The following NME8 variants were observed in gnomAD, a reference collection of about 807,000 sequenced individuals.
NME8 encodes protein NME8.
Under a neutral mutation model 82.3 loss-of-function variants are expected in NME8, and 72 were observed. That is an observed-to-expected ratio of 0.87 (90% CI 0.72 to 1.06). The LOEUF (loss-of-function observed/expected upper bound fraction) is 1.06, where lower values mean the gene tolerates loss of function less well. Ranked by LOEUF, NME8 falls within the 50% of genes least tolerant of loss-of-function variation. The pLI is 0.00. For synonymous variants in NME8, 267 were observed against 228.5 expected, an observed-to-expected ratio of 1.17 and a Z score of -1.52; for missense variants, 712 against 685.4, an observed-to-expected ratio of 1.04 and a Z score of -0.43.
At chr7:37,881,280 T>C (rs1382991608) in intron 12 of NME8, among the ~76,000 whole-genome samples, 1 of 152,176 alleles carries the variant, frequency 6.6e-6, no homozygotes, top group Non-Finnish European at 1.5e-5. Context: ...TTAAGGACAG[T>C]GTTAACTGTA....
At chr7:37,889,977 G>C (rs373391341) in intron 15 of NME8, among the ~76,000 whole-genome samples, 1 of 151,968 alleles carries the variant, frequency 6.6e-6, no homozygotes, top group Non-Finnish European at 1.5e-5. Context: ...TGGTGGCCAT[G>C]TTATTTGGTA....
In NME8 at chr7:37,848,716, C is replaced by T. The variant is rs979982759; in HGVS notation, c.-253C>T. 6.6e-6 allele frequency: 1 copy of T among 152,326 alleles called. No homozygotes were observed. The highest frequency in any genetic ancestry group is 2.4e-5 in the African/African-American group (1 of 41,452). The allele number at this position is 152,326 out of a possible 1,614,324, so 9.4% of individuals were successfully genotyped here. A position where few individuals can be genotyped will look rare whatever the true frequency, so the allele number is the denominator to read the frequency against. On this transcript the variant is annotated 5_prime_UTR_variant, in exon 1 of 18. Transcript: ENST00000199447. Reference sequence around the variant, plus strand: ...GATTTTAGGCGCCACCTGGTCTTGTCCCCACTGCCCAGGTATAGCTGCTGT... The same window carrying T: ...GATTTTAGGCGCCACCTGGTCTTGTTCCCACTGCCCAGGTATAGCTGCTGT...
At chr7:37,889,988 C>T (rs1785104098) in intron 15 of NME8, among the ~76,000 whole-genome samples, 1 of 151,896 alleles carries the variant, frequency 6.6e-6, no homozygotes, top group Non-Finnish European at 1.5e-5. Context: ...TTATTTGGTA[C>T]ATAGATATTT....
chr7:37,889,099 T>A (rs1316720876), intron 15 of NME8, among the ~76,000 whole-genome samples: 3 of 152,040 alleles, frequency 2.0e-5, no homozygotes, highest in African/African-American at 7.2e-5. Flanking sequence ...ATTTGATTGC[T>A]TTCTCTGTTT....
chr7:37,874,741 G>A (rs551768367), intron 11 of NME8, among the ~76,000 whole-genome samples: 1 of 152,156 alleles, frequency 6.6e-6, no homozygotes. Flanking sequence ...ACATTACTAG[G>A]TAAAGGTTAA....
chr7:37,862,469 G>A (rs1379513564), intron 7 of NME8, among the ~76,000 whole-genome samples: 1 of 151,968 alleles, frequency 6.6e-6, no homozygotes, highest in Non-Finnish European at 1.5e-5. Context: ...TGAAAGTTAG[G>A]AACCTTTGTC....
intron 14 of NME8, among the ~76,000 whole-genome samples, chr7:37,885,547 A>G (rs757852665): frequency 2.0e-5 from 3 of 152,186 alleles, no homozygotes; most frequent in Non-Finnish European, 4.4e-5. Context: ...CCTACCCGCT[A>G]TTTAGGAGAA....
chr7:37,893,528 G>A (rs1374389155), intron 15 of NME8, among the ~76,000 whole-genome samples: 3 of 151,990 alleles, frequency 2.0e-5, no homozygotes, highest in African/African-American at 4.8e-5. Context: ...TCTGCACTTG[G>A]CATACATTAC....
chr7:37,870,144 G>C (rs1041488683), intron 11 of NME8, among the ~76,000 whole-genome samples: 6 of 151,836 alleles, frequency 4.0e-5, no homozygotes, highest in African/African-American at 7.3e-5. Flanking sequence ...GTCTATAACA[G>C]GGGTGTCCAA....
At chr7:37,879,413 T>C (rs1481885240) in intron 12 of NME8, among the ~76,000 whole-genome samples, 1 of 152,210 alleles carries the variant, frequency 6.6e-6, no homozygotes, top group Non-Finnish European at 1.5e-5. Flanking sequence ...CCCAAAGTGC[T>C]GGATTTACAG....
At chr7:37,871,883 G>A (rs183346878) in intron 11 of NME8, among the ~76,000 whole-genome samples, 8 of 151,698 alleles carry the variant, frequency 5.3e-5, no homozygotes, top group Admixed American at 2.6e-4. Context: ...AAGTATTTCC[G>A]GGATCAGGGA....
chr7:37,863,148 T>A (rs1419101253), intron 7 of NME8, among the ~76,000 whole-genome samples: 2 of 152,040 alleles, frequency 1.3e-5, no homozygotes, highest in Non-Finnish European at 2.9e-5. Flanking sequence ...ATTTAAAAAA[T>A]TAAGGTTTGC....
At chr7:37,876,528 T>A (rs982240579) in intron 11 of NME8, among the ~76,000 whole-genome samples, 1 of 152,084 alleles carries the variant, frequency 6.6e-6, no homozygotes, top group South Asian at 2.1e-4. Context: ...TGGAAAGTTC[T>A]ACATAGGGAA....
intron 7 of NME8, 94 bp downstream of exon 7, chr7:37,862,238 G>A: frequency 1.2e-6 from 1 of 815,408 alleles, no homozygotes; most frequent in Non-Finnish European, 2.2e-6. Context: ...ACCTCTAAAG[G>A]CTTTGAGTAC....
chr7:37,882,581 A>AAGAAAGAC (rs1784968192), intron 12 of NME8, among the ~76,000 whole-genome samples: 1 of 51,730 alleles, frequency 1.9e-5, no homozygotes, highest in Non-Finnish European at 3.9e-5. Flanking sequence ...GAAAGAAAGA[A>AAGAAAGAC]AGAAAGAAAG....
intron 17 of NME8, 135 bp from the exon 18 acceptor site, chr7:37,900,109 A>G (rs1259079243): frequency 6.6e-6 from 1 of 152,186 alleles, no homozygotes; most frequent in Non-Finnish European, 1.5e-5. Context: ...CAGGCTGTCT[A>G]TAGGTAAAGG....
chr7:37,896,473 C>T (rs1385543167), intron 16 of NME8, among the ~76,000 whole-genome samples: 1 of 152,176 alleles, frequency 6.6e-6, no homozygotes, highest in Non-Finnish European at 1.5e-5. Context: ...GCTCACATCA[C>T]TCAGTTACTT....
At chr7:37,858,438 G>A (rs1299026072) in intron 6 of NME8, among the ~76,000 whole-genome samples, 2 of 152,152 alleles carry the variant, frequency 1.3e-5, no homozygotes, top group Non-Finnish European at 2.9e-5. Flanking sequence ...AACGATTTAG[G>A]TGAGGGGTCA....
At chr7:37,882,591 GAA>G (rs1372562444) in intron 12 of NME8, among the ~76,000 whole-genome samples, 1,715 of 75,622 alleles carry the variant, frequency 0.023, 61 homozygotes, top group Admixed American at 0.11. Context: ...AAGAAAGAAA[GAA>G]AGAAAGAGAG....
Sources: gnomAD v4.1 joint callset for allele counts (sites outside exome capture counted in the v4.1 genomes callset) on GRCh38, gnomAD v4.1.1 for gene constraint, MANE v1.5 for transcripts, NCBI Gene and HGNC (gene_info 2026-07-23, HGNC 2026-07-21) for gene names.